YME1L1: variants seen among roughly 807,000 people sequenced by gnomAD.
YME1L1 encodes ATP-dependent zinc metalloprotease YME1L1.
Under a neutral mutation model 90.4 loss-of-function variants are expected in YME1L1, and 39 were observed. The observed-to-expected ratio is 0.43, with a 90% CI of 0.33 to 0.56. YME1L1 has a LOEUF of 0.56. Ranked by LOEUF, YME1L1 falls within the 20% of genes least tolerant of loss-of-function variation. The probability of loss-of-function intolerance (pLI) is 0.03; values close to 1 mark genes in which losing one functional copy is unlikely to be tolerated. For synonymous variants in YME1L1, 284 were observed against 287.3 expected, an observed-to-expected ratio of 0.99 and a Z score of 0.12; for missense variants, 617 against 868.4, an observed-to-expected ratio of 0.71 and a Z score of 3.64.
At chr10:27,136,949 G>A (rs2057035125) in intron 4 of YME1L1, among the ~76,000 whole-genome samples, 1 of 150,844 alleles carries the variant, frequency 6.6e-6, no homozygotes, top group Admixed American at 6.6e-5. Context: ...AGGGGATAAA[G>A]GTAAATAGAG....
intron 14 of YME1L1, among the ~76,000 whole-genome samples, chr10:27,118,837 G>A (rs1206158356): frequency 2.0e-5 from 3 of 152,168 alleles, no homozygotes; most frequent in South Asian, 4.1e-4. Context: ...TCTGACAAGA[G>A]GAAATGTATA....
intron 17 of YME1L1, among the ~76,000 whole-genome samples, chr10:27,115,842 C>T (rs554932188): frequency 3.3e-5 from 5 of 152,276 alleles, no homozygotes; most frequent in East Asian, 1.9e-4. Flanking sequence ...TTAATTAACT[C>T]GTGAAGTAAT....
intron 18 of YME1L1, among the ~76,000 whole-genome samples, chr10:27,113,952 A>T (rs898106097): frequency 6.8e-5 from 10 of 147,246 alleles, no homozygotes; most frequent in African/African-American, 1.0e-4. Context: ...AGACTCCATA[A>T]AAAAAAAAAA....
chr10:27,120,629 A>C, intron 12 of YME1L1, 82 bp from the exon 13 acceptor site: 1 of 1,062,722 alleles, frequency 9.4e-7, no homozygotes, highest in Non-Finnish European at 1.4e-6. Flanking sequence ...TAATGACGTG[A>C]CTGGGAAGCC....
In YME1L1 at chr10:27,131,877, G is replaced by A. The variant is rs1366157119; in HGVS notation, c.840C>T (p.Thr280=). The A allele has an allele frequency of 6.2e-7, 1 of 1,612,540 alleles. No homozygotes were observed. Residue 280 remains threonine, a synonymous_variant, in exon 8 of 19, where the codon ACC becomes ACT. Transcript: ENST00000376016. ...AVDPVQMKNV[T]FEHVKGVEEA... The stretch of plus-strand genomic sequence containing the variant: ...AACTTACCCCTTTAACATGTTCAAA[G>A]GTGACATTTTTCATCTGGACAGGAT...
chr10:27,145,013 C>T (rs1479396799), intron 3 of YME1L1, among the ~76,000 whole-genome samples: 3 of 151,996 alleles, frequency 2.0e-5, no homozygotes, highest in Admixed American at 1.3e-4. Flanking sequence ...TGGTGGCGGG[C>T]GCCTGTAGTC....
At chr10:27,143,464 C>A (rs951227417) in intron 3 of YME1L1, among the ~76,000 whole-genome samples, 1 of 151,890 alleles carries the variant, frequency 6.6e-6, no homozygotes, top group African/African-American at 2.4e-5. Flanking sequence ...CTTTGGGAGG[C>A]TGAGGCGGGC....
chr10:27,125,471 A>AC lies in YME1L1; in HGVS notation c.949+1224_949+1225insG, dbSNP rs567363985. On this transcript the variant is annotated intron_variant, in intron 9 of 18. Transcript: ENST00000376016. ...ATTGTTTCATTTGAAAAAAAAAAAA[A>AC]AAAAAACAATAAAAGCCTAAATGTT... Among the ~76,000 whole-genome samples the AC allele has an allele frequency of 7.8e-3, 1,172 of 150,832 alleles. 13 individuals carry two copies. The highest frequency in any genetic ancestry group is 0.017 in the South Asian group (83 of 4,792).
intron 11 of YME1L1, 103 bp downstream of exon 11, chr10:27,122,738 G>A: frequency 6.8e-7 from 1 of 1,481,064 alleles, no homozygotes; most frequent in Admixed American, 2.0e-5. Flanking sequence ...CATATCTCTA[G>A]ATATGAAATG....
chr10:27,132,286 G>C (rs957573342), intron 7 of YME1L1, among the ~76,000 whole-genome samples: 2 of 151,718 alleles, frequency 1.3e-5, no homozygotes, highest in Non-Finnish European at 2.9e-5. Flanking sequence ...TTTTAGCAGA[G>C]ACAGGGTTTT....
At chr10:27,145,348 C>T (rs1413866061) in intron 3 of YME1L1, 80 bp downstream of exon 3, 1 of 1,156,848 alleles carries the variant, frequency 8.6e-7, no homozygotes, top group Non-Finnish European at 1.2e-6. Flanking sequence ...ATAAACGCTA[C>T]TGTGAAAGCT....
intron 17 of YME1L1, among the ~76,000 whole-genome samples, chr10:27,115,454 G>A (rs755750389): frequency 7.3e-5 from 11 of 151,560 alleles, no homozygotes; most frequent in Admixed American, 2.0e-4. Flanking sequence ...TGGGATTACA[G>A]GCACACACCA....
rs767396249 is a variant in YME1L1, at chr10:27,114,593, G to C, written c.1935C>G (p.Thr645=). The C allele has an allele frequency of 1.2e-4, 189 of 1,612,466 alleles. 3 individuals carry two copies. In the South Asian group the frequency reaches 1.9e-3, roughly 16 times the overall value. Residue 645 remains threonine (T), a synonymous_variant, in exon 18 of 19, where the codon ACC becomes ACG. Transcript: ENST00000376016. ...FGMSEKLGVM[T]YSDTGKLSPE... is the part of the protein sequence containing the mutation. ...GACTTAGTTTCCCTGTATCACTGTA[G>C]GTCATAACTCCAAGCTAAAACCAAA... is the stretch of plus-strand genomic sequence containing the variant.
chr10:27,137,870 CTT>C (rs2057045955), intron 4 of YME1L1, among the ~76,000 whole-genome samples: 2 of 152,044 alleles, frequency 1.3e-5, no homozygotes, highest in East Asian at 1.9e-4. Flanking sequence ...TTTAATGTGT[CTT>C]TGTCTTTCGA....
chr10:27,123,102 T>C (rs771605644), intron 10 of YME1L1, 129 bp from the exon 11 acceptor site: 12 of 1,188,516 alleles, frequency 1.0e-5, no homozygotes, highest in Non-Finnish European at 1.4e-5. Flanking sequence ...GAAAAGGACG[T>C]CATTTTTTAC....
rs773555484 is a variant in YME1L1 at position 27,116,328 on chromosome 10, C to T, written c.1737G>A (p.Glu579=). ...PTLGHVSLLP[E]NDRWNETRAQ... Reference sequence around the variant, plus strand: ...CTCTAGTTTCATTCCATCTGTCATTCTCAGGTAACAGGGACACCTAGACAA... The same window carrying T: ...CTCTAGTTTCATTCCATCTGTCATTTTCAGGTAACAGGGACACCTAGACAA... Residue 579 remains glutamate, a synonymous_variant, in exon 16 of 19, where the codon GAG becomes GAA. Coordinates refer to ENST00000376016, the MANE Select transcript of YME1L1 (RefSeq NM_014263.4). 56 of 1,613,938 alleles carry T rather than the reference C, an allele frequency of 3.5e-5. No homozygotes were observed. In the East Asian group the frequency reaches 1.1e-3, roughly 31 times the overall value.
In YME1L1 at chr10:27,110,438, C is replaced by T. The variant is rs2056748193; in HGVS notation, c.*1539G>A. On this transcript the variant is annotated 3_prime_UTR_variant, in exon 19 of 19. Coordinates refer to ENST00000376016, the MANE Select transcript of YME1L1 (RefSeq NM_014263.4). ...AATATCTATCTTTTTTCAATGAAGA[C>T]CATATACAGCTTAAATTATTAGGAA... 3 of 152,150 alleles carry T rather than the reference C, an allele frequency of 2.0e-5. 1 individual carries two copies. The highest frequency in any genetic ancestry group is 2.4e-5 in the African/African-American group (1 of 41,526). 9.4% of individuals were successfully genotyped at this position (152,150 alleles called of 1,614,324 possible).
intron 5 of YME1L1, 29 bp downstream of exon 5, chr10:27,136,247 C>T: frequency 6.3e-7 from 1 of 1,577,796 alleles, no homozygotes; most frequent in Non-Finnish European, 8.7e-7. Context: ...AAAATATTTG[C>T]TTTTTGGATC....
intron 18 of YME1L1, among the ~76,000 whole-genome samples, chr10:27,113,232 A>AAAAAAAAAAAAG (rs2056776354): frequency 4.3e-5 from 1 of 23,022 alleles, no homozygotes; most frequent in Non-Finnish European, 9.8e-5. Context: ...AAAAAAAAAA[A>AAAAAAAAAAAAG]AAAAAAAAAA....
Sources: gnomAD v4.1 joint callset for allele counts (sites outside exome capture counted in the v4.1 genomes callset) on GRCh38, gnomAD v4.1.1 for gene constraint, MANE v1.5 for transcripts, NCBI Gene and HGNC (gene_info 2026-07-23, HGNC 2026-07-21) for gene names.